INTS11: variants seen among roughly 807,000 people sequenced by gnomAD.
INTS11 encodes integrator complex subunit 11, also known as CPSF3-like protein.
A neutral mutation model predicts 78.6 loss-of-function variants in INTS11; 77 were observed. The observed-to-expected ratio is 0.98, with a 90% CI of 0.81 to 1.18. The LOEUF is 1.18. Ranked by LOEUF, INTS11 falls within the 50% of genes most tolerant of loss-of-function variation. The pLI is 0.00. For missense variants in INTS11, 875 were observed against 825.9 expected, an observed-to-expected ratio of 1.06 and a Z score of -0.73; for synonymous variants, 441 against 326.9, an observed-to-expected ratio of 1.35 and a Z score of -3.77.
At position 1,312,268 on chromosome 1, in the gene INTS11, T is replaced by C. The variant is rs1319762227; in HGVS notation, c.1565A>G (p.Lys522Arg). ...GACGCGCAATGCCGTCTCCTGCTCC[T>C]TGCGTGTGTCATGCAGGTGCACGCG... Reference protein sequence around the residue: ...TCRVHLHDTRKEQETALRVYS... With the variant: ...TCRVHLHDTRREQETALRVYS... The change falls in exon 15 of 17, where the codon AAG becomes AGG. Residue 522 changes from lysine (K) to arginine (R), a missense_variant. Coordinates refer to ENST00000435064, the MANE Select transcript of INTS11 (RefSeq NM_017871.6). The C allele has an allele frequency of 6.5e-7, 1 of 1,548,846 alleles. No homozygotes were observed. Among genetic ancestry groups the C allele is most frequent in the Non-Finnish European group, 8.7e-7 (1 of 1,146,510 alleles).
intron 1 of INTS11, among the ~76,000 whole-genome samples, chr1:1,324,345 G>C (rs1436919295): frequency 6.6e-6 from 1 of 152,230 alleles, no homozygotes; most frequent in East Asian, 1.9e-4. Context: ...CATCTGCGAC[G>C]TCCCCTCACG....
Position 1,314,687 on chromosome 1 carries a change from A to G in INTS11, c.702+137T>C. ...GAGTTTTCCTCCTCAATGTTGAGCA[A>G]ATCTTCTTCCCTCCCTGCCTGAAAA... On this transcript the variant is annotated intron_variant, in intron 7 of 16. Transcript: ENST00000435064. The surrounding 1 kb of genome is among the most constrained non-coding windows in gnomAD (Gnocchi z 4.2). 1 of 1,107,416 alleles carries G rather than the reference A, an allele frequency of 9.0e-7. No individual in the cohort carries two copies. The highest frequency in any genetic ancestry group is 1.3e-6 in the Non-Finnish European group (1 of 768,002). The allele number at this position is 1,107,416 out of a possible 1,614,324, so 68.6% of individuals were successfully genotyped here.
chr1:1,317,443 A>C, intron 4 of INTS11: 1 of 975,094 alleles, frequency 1.0e-6, no homozygotes, highest in Non-Finnish European at 1.2e-6. Context: ...ATTTAACACC[A>C]TATGACACAT....
intron 4 of INTS11, among the ~76,000 whole-genome samples, chr1:1,315,889 G>A (rs1642574745): frequency 1.3e-5 from 2 of 151,988 alleles, no homozygotes; most frequent in African/African-American, 2.4e-5. Context: ...TTCAGTCCCT[G>A]TTGCTCACAC....
chr1:1,323,329 C>T, intron 1 of INTS11: 1 of 1,529,180 alleles, frequency 6.5e-7, no homozygotes, highest in Non-Finnish European at 8.8e-7. Flanking sequence ...TGGCCACCAA[C>T]ACCATGTCCC....
chr1:1,321,898 T>TACCCCCC, intron 1 of INTS11: 16 of 1,141,964 alleles, frequency 1.4e-5, no homozygotes, highest in South Asian at 2.1e-5. Flanking sequence ...TCCCCTTGAA[T>TACCCCCC]CCCACCCACC....
Position 1,314,890 on chromosome 1 carries a change from G to A in INTS11, c.636C>T (p.Asp212=), listed in dbSNP as rs34313161. 1,179 of 1,613,112 alleles carry A rather than the reference G, an allele frequency of 7.3e-4. 9 individuals are homozygous for A. The African/African-American group carries it at 0.014, about 20-fold the overall frequency. The part of the protein sequence containing the change: ...TESTYATTIR[D]SKRCRERDFL... ...AGTCTCGCTCCCGGCAGCGCTTGGA[G>A]TCACGGATGGTCGTGGCGTACGTGG... Residue 212 remains aspartate (D), a synonymous_variant, in exon 7 of 17, where the codon GAC becomes GAT. Transcript: ENST00000435064. This position sits in a 1 kb window ranked among gnomAD's most constrained non-coding sequence, Gnocchi z 4.2.
intron 4 of INTS11, chr1:1,316,941 TAAAA>T (rs1312094479): frequency 1.3e-5 from 2 of 150,828 alleles, no homozygotes; most frequent in Non-Finnish European, 3.0e-5. Flanking sequence ...AATAAATAAA[TAAAA>T]TTGAGAGACA....
intron 4 of INTS11, chr1:1,317,560 C>CG (rs760193041): frequency 1.4e-5 from 7 of 489,830 alleles, no homozygotes; most frequent in Non-Finnish European, 1.9e-5. Flanking sequence ...GTCAGGCTCT[C>CG]GGGGTCCCTG....
chr1:1,313,000 C>T (rs749580829), intron 11 of INTS11, 35 bp downstream of exon 11: 19 of 1,611,592 alleles, frequency 1.2e-5, no homozygotes, highest in East Asian at 4.5e-5. Flanking sequence ...AGGTGCCCCT[C>T]GGCCCTGCCA....
rs776613388 is a variant in INTS11 at position 1,312,087 on chromosome 1, G to A, written c.1668C>T (p.Val556=). The A allele has an allele frequency of 4.4e-6, 7 of 1,575,018 alleles. No homozygotes were observed. In the South Asian group the frequency reaches 4.6e-5, roughly 10 times the overall value. Residue 556 remains valine (V), a synonymous_variant, in exon 16 of 17, where the codon GTC becomes GTT. Transcript: ENST00000435064. Reference sequence around the variant, plus strand: ...CAGAAGGGGCGGCGGCCTGGAGGAGGACGGACTCCACAGTCACAGAGCCGT... The same window carrying A: ...CAGAAGGGGCGGCGGCCTGGAGGAGAACGGACTCCACAGTCACAGAGCCGT... ...LPDGSVTVES[V]LLQAAAPSED...
In INTS11 at chr1:1,319,445, G is replaced by C. The variant is rs763038637; in HGVS notation, c.280C>G (p.His94Asp). The part of the protein sequence containing the change: ...VGYDGPIYMT[H>D]PTQAICPILL... ...ATGGGGCAGATGGCCTGGGTGGGGT[G>C]AGTCATGTAGATGGGCCCGTCGTAG... The change falls in exon 4 of 17, where the codon CAC becomes GAC. Residue 94 changes from histidine to aspartate, a missense_variant. Coordinates refer to ENST00000435064, the MANE Select transcript of INTS11 (RefSeq NM_017871.6). 6 of 1,612,500 alleles carry C rather than the reference G, an allele frequency of 3.7e-6. No homozygotes were observed. The highest frequency in any genetic ancestry group is 5.1e-6 in the Non-Finnish European group (6 of 1,179,564).
Position 1,312,067 on chromosome 1 carries a change from G to C in INTS11, c.1688C>G (p.Pro563Arg), listed in dbSNP as rs1239171085. ...VESVLLQAAA[P>R]SEDPGTKVLL... is the part of the protein sequence containing the mutation. ...CACCTTGGTGCCTGGGTCCTCAGAA[G>C]GGGCGGCGGCCTGGAGGAGGACGGA... The change falls in exon 16 of 17, where the codon CCT becomes CGT. Residue 563 changes from proline (P) to arginine (R), a missense_variant. Coordinates refer to ENST00000435064, the MANE Select transcript of INTS11 (RefSeq NM_017871.6). The C allele has an allele frequency of 6.4e-7, 1 of 1,572,820 alleles. No individual in the cohort carries two copies. The highest frequency in any genetic ancestry group is 8.6e-7 in the Non-Finnish European group (1 of 1,158,052).
intron 1 of INTS11, among the ~76,000 whole-genome samples, chr1:1,321,644 G>A (rs964618357): frequency 6.6e-6 from 1 of 152,224 alleles, no homozygotes; most frequent in Non-Finnish European, 1.5e-5. Context: ...TGGTCCAGCA[G>A]TGGCCAGCGT....
rs780616170 is a variant in INTS11 at position 1,313,056 on chromosome 1, G to A, written c.1110C>T (p.Leu370=). The A allele has an allele frequency of 4.7e-5, 76 of 1,610,470 alleles. No individual in the cohort carries two copies. The highest frequency in any genetic ancestry group is 6.7e-5 in the East Asian group (3 of 44,886). Reference sequence around the variant, plus strand: ...TCACCACCTGCCGCCCCTCCATCTCGAGCTTCCGCTGCCCGCTGAGGATCT... The same window carrying A: ...TCACCACCTGCCGCCCCTCCATCTCAAGCTTCCGCTGCCCGCTGAGGATCT... The part of the protein sequence containing the change: ...GHKILSGQRK[L]EMEGRQVLEV... Residue 370 remains leucine (L), a synonymous_variant, in exon 11 of 17, where the codon CTC becomes CTT. Coordinates refer to ENST00000435064, the MANE Select transcript of INTS11 (RefSeq NM_017871.6).
intron 10 of INTS11, 153 bp downstream of exon 10, chr1:1,313,356 T>G: frequency 2.1e-6 from 2 of 941,660 alleles, no homozygotes; most frequent in Non-Finnish European, 3.3e-6. Context: ...ACTGAGCAGC[T>G]CCAGGCGGAC....
intron 11 of INTS11, 39 bp downstream of exon 11, chr1:1,312,996 C>T (rs1433398267): frequency 1.9e-6 from 3 of 1,611,658 alleles, no homozygotes; most frequent in East Asian, 2.2e-5. Context: ...CAGGAGGTGC[C>T]CCTCGGCCCT....
rs1642187048 is a variant in INTS11 at position 1,311,919 on chromosome 1, C to T, written c.1743G>A (p.Glu581=). The change falls in exon 17 of 17, where the codon GAG becomes GAA. Residue 581 remains glutamate, a synonymous_variant. Coordinates refer to ENST00000435064, the MANE Select transcript of INTS11 (RefSeq NM_017871.6). ...VLLVSWTYQD[E]ELGSFLTSLL... ...GAGATGTGAGGAAGCTCCCCAGCTC[C>T]TCGTCCTAGGGCAGAGGCAAAAGCA... The T allele has an allele frequency of 6.3e-7, 1 of 1,577,180 alleles. No homozygotes were observed.
intron 10 of INTS11, 189 bp from the exon 11 acceptor site, chr1:1,313,313 TTC>T: frequency 1.1e-6 from 1 of 884,286 alleles, no homozygotes; most frequent in Non-Finnish European, 1.8e-6. Flanking sequence ...GCTGGGGCTG[TTC>T]TGCCCGAGGT....
Sources: gnomAD v4.1 joint callset for allele counts (sites outside exome capture counted in the v4.1 genomes callset) on GRCh38, gnomAD v4.1.1 for gene constraint, Gnocchi (gnomAD v3.1) non-coding constraint, MANE v1.5 for transcripts, NCBI Gene and HGNC (gene_info 2026-07-23, HGNC 2026-07-21) for gene names.